Variants in EXOC2 observed in about 807,000 individuals in gnomAD.
The protein encoded by EXOC2 is exocyst complex component 2, also known as SEC5-like 1.
A neutral mutation model predicts 131.8 loss-of-function variants in EXOC2; 70 were observed. The ratio of observed to expected loss-of-function variants is 0.53; its 90% confidence interval spans 0.44 to 0.65. The LOEUF (loss-of-function observed/expected upper bound fraction) is 0.65, where lower values mean the gene tolerates loss of function less well. Ranked by LOEUF, EXOC2 falls within the 30% of genes least tolerant of loss-of-function variation. The pLI is 0.00. For missense variants in EXOC2, 923 were observed against 1,108.6 expected, an observed-to-expected ratio of 0.83 and a Z score of 2.38; for synonymous variants, 411 against 398.4, an observed-to-expected ratio of 1.03 and a Z score of -0.38.
At chr6:626,328 C>G (rs913739945) in intron 4 of EXOC2, among the ~76,000 whole-genome samples, 2 of 152,240 alleles carry the variant, frequency 1.3e-5, no homozygotes, top group Admixed American at 1.3e-4. Context: ...AAGAAAAAAG[C>G]ATGCAGCCTG....
intron 23 of EXOC2, among the ~76,000 whole-genome samples, chr6:511,607 G>T (rs1343049914): frequency 5.3e-5 from 8 of 152,172 alleles, no homozygotes. Flanking sequence ...AGGGCTGCAC[G>T]GGGGCATCTG....
intron 13 of EXOC2, among the ~76,000 whole-genome samples, chr6:570,136 C>CT (rs11423850): frequency 0.94 from 132,032 of 139,916 alleles, 62,400 homozygotes; most frequent in East Asian, 0.99. Flanking sequence ...AATTCTTTCT[C>CT]TTTTTTTTTT....
rs75494154 is a variant in EXOC2 at position 533,707 on chromosome 6, G to A, written c.2239-1097C>T. Among the ~76,000 whole-genome samples the A allele has an allele frequency of 8.4e-3, 1,274 of 152,208 alleles. 18 individuals are homozygous for A. Among genetic ancestry groups the A allele is most frequent in the African/African-American group, 0.029 (1,213 of 41,526 alleles). On this transcript the variant is annotated intron_variant, in intron 22 of 27. Transcript: ENST00000230449. ...AGGCAGGAGGCCAGAAGAAGAAGAG[G>A]GGGGAGGCAGAGACCCAAGCATGGA... is the stretch of plus-strand genomic sequence containing the variant.
At chr6:496,395 C>CTTAAGT (rs1763745831) in intron 25 of EXOC2, among the ~76,000 whole-genome samples, 1 of 152,194 alleles carries the variant, frequency 6.6e-6, no homozygotes, top group Non-Finnish European at 1.5e-5. Context: ...TATTTGGACT[C>CTTAAGT]TAACTCTTGG....
At chr6:649,249 T>C (rs999688512) in intron 1 of EXOC2, among the ~76,000 whole-genome samples, 1 of 152,230 alleles carries the variant, frequency 6.6e-6, no homozygotes, top group Non-Finnish European at 1.5e-5. Flanking sequence ...CTATTATTAC[T>C]CATGTAAGGA....
At chr6:673,623 T>A (rs1000030068) in intron 1 of EXOC2, among the ~76,000 whole-genome samples, 9 of 152,180 alleles carry the variant, frequency 5.9e-5, no homozygotes, top group African/African-American at 2.2e-4. Context: ...ATTTACTAGA[T>A]GCCATCGGCA....
At chr6:616,912 T>C (rs993540675) in intron 6 of EXOC2, among the ~76,000 whole-genome samples, 2 of 151,872 alleles carry the variant, frequency 1.3e-5, no homozygotes, top group African/African-American at 4.8e-5. Flanking sequence ...GCTAATTTTT[T>C]GTATTTTTAG....
chr6:602,441 TGTG>T (rs1279580255), intron 7 of EXOC2, among the ~76,000 whole-genome samples: 1 of 49,826 alleles, frequency 2.0e-5, no homozygotes, highest in African/African-American at 7.5e-5. Flanking sequence ...GAACACCCCG[TGTG>T]CAAATCCACA....
At chr6:546,967 G>T (rs900305142) in intron 22 of EXOC2, among the ~76,000 whole-genome samples, 1 of 152,188 alleles carries the variant, frequency 6.6e-6, no homozygotes, top group African/African-American at 2.4e-5. Flanking sequence ...AAGATGCATG[G>T]TGCTGGACCA....
chr6:676,628 C>A (rs1375274942), intron 1 of EXOC2, among the ~76,000 whole-genome samples: 1 of 20,680 alleles, frequency 4.8e-5, no homozygotes, highest in African/African-American at 1.3e-4. Context: ...GGTGACTCTG[C>A]GGTTCCCCAT....
At chr6:548,762 C>T (rs1172896378) in intron 22 of EXOC2, among the ~76,000 whole-genome samples, 1 of 152,152 alleles carries the variant, frequency 6.6e-6, no homozygotes. Flanking sequence ...TGTGAATACG[C>T]AGGAAGAGGT....
chr6:645,820 CT>C (rs1302711569), intron 1 of EXOC2, among the ~76,000 whole-genome samples: 1 of 152,106 alleles, frequency 6.6e-6, no homozygotes, highest in Non-Finnish European at 1.5e-5. Flanking sequence ...AACCAGTGAC[CT>C]TGGAGAAATG....
intron 25 of EXOC2, among the ~76,000 whole-genome samples, chr6:495,407 A>C (rs570198536): frequency 3.3e-5 from 5 of 150,410 alleles, no homozygotes; most frequent in Admixed American, 1.3e-4. Flanking sequence ...TACAGGTGTG[A>C]GCCACCGCGC....
chr6:589,924 G>A (rs9504383), intron 11 of EXOC2, among the ~76,000 whole-genome samples: 92,099 of 152,104 alleles, frequency 0.61, 29,618 homozygotes, highest in Middle Eastern at 0.71. Context: ...GGCTAACACC[G>A]TGATGGGGTG....
In EXOC2 at chr6:532,236, A is replaced by T. The variant is rs142836924; in HGVS notation, c.2380+233T>A. On this transcript the variant is annotated intron_variant, in intron 23 of 27. Transcript: ENST00000230449. ...CTAAAACGATCAATTATTACAAGTT[A>T]TCATTAATTATTCTCTAGAATTTAA... is the stretch of plus-strand genomic sequence containing the variant. 4.6e-5 allele frequency among the ~76,000 whole-genome samples: 7 copies of T among 152,388 alleles called. No individual in the cohort carries two copies. In the East Asian group the frequency reaches 1.3e-3, roughly 29 times the overall value.
intron 2 of EXOC2, among the ~76,000 whole-genome samples, chr6:634,913 A>G (rs150696079): frequency 3.9e-5 from 6 of 152,314 alleles, no homozygotes; most frequent in African/African-American, 1.2e-4. Flanking sequence ...AATACTGCTA[A>G]CATGTCAATG....
In EXOC2 at chr6:555,282, T is replaced by C. The variant is rs147811120; in HGVS notation, c.1999A>G (p.Ile667Val). The C allele has an allele frequency of 2.6e-6, 4 of 1,521,900 alleles. No homozygotes were observed. In the African/African-American group the frequency reaches 4.1e-5, roughly 15 times the overall value. The allele number at this position is 1,521,900 out of a possible 1,614,324, so 94.3% of individuals were successfully genotyped here. Residue 667 changes from isoleucine (I) to valine (V), a missense_variant, in exon 20 of 28, where the codon ATA becomes GTA. Coordinates refer to ENST00000230449, the MANE Select transcript of EXOC2 (RefSeq NM_018303.6). ...QLSINIMQVF[I>V]YCLEQLSTKP... ...GTGCTCAACTGTTCCAGACAGTATA[T>C]AAAAACCTAAGTGAAAACATAAGTT...
intron 25 of EXOC2, 42 bp downstream of exon 25, chr6:497,321 TTAAA>T (rs777315390): frequency 1.3e-6 from 2 of 1,584,630 alleles, no homozygotes; most frequent in East Asian, 4.5e-5. Flanking sequence ...TTTATATGCT[TTAAA>T]TAACAACAGA....
intron 7 of EXOC2, among the ~76,000 whole-genome samples, chr6:605,397 T>C (rs1760348192): frequency 6.6e-6 from 1 of 152,254 alleles, no homozygotes; most frequent in South Asian, 2.1e-4. Context: ...ATTTAAAACA[T>C]CAGAGATTCA....
Sources: allele counts gnomAD v4.1 joint callset (sites outside exome capture counted in the v4.1 genomes callset), GRCh38; gene constraint gnomAD v4.1.1; transcripts MANE v1.5; gene names NCBI Gene and HGNC (gene_info 2026-07-23, HGNC 2026-07-21).